SHANK2: variants seen among roughly 807,000 people sequenced by gnomAD.
The protein encoded by SHANK2 is SH3 and multiple ankyrin repeat domains protein 2.
In SHANK2, 43 loss-of-function variants were observed where a neutral mutation model predicts 133.7. That is an observed-to-expected ratio of 0.32 (90% CI 0.25 to 0.41). SHANK2 has a LOEUF of 0.41. Among genes scored for constraint, SHANK2 ranks in the 10% least tolerant of loss-of-function variants. SHANK2 has a pLI of 1.00. For missense variants in SHANK2, 1,994 were observed against 2,235.8 expected (o/e 0.89, Z 2.18); for synonymous variants, 1,017 against 952.8 (o/e 1.07, Z -1.24).
At chr11:70,782,976 T>C (rs893730151) in intron 14 of SHANK2, among the ~76,000 whole-genome samples, 5 of 151,992 alleles carry the variant, frequency 3.3e-5, no homozygotes, top group Non-Finnish European at 5.9e-5. Flanking sequence ...TGGGGTGTGA[T>C]TGGGTTTAGA....
chr11:70,837,257 T>TA (rs1411141451), intron 11 of SHANK2, among the ~76,000 whole-genome samples: 1 of 152,184 alleles, frequency 6.6e-6, no homozygotes, highest in East Asian at 1.9e-4. Flanking sequence ...CCAGGGGACT[T>TA]ACGCCATTGT....
intron 17 of SHANK2, among the ~76,000 whole-genome samples, chr11:70,650,077 G>A (rs1343106686): frequency 6.6e-6 from 1 of 152,238 alleles, no homozygotes; most frequent in Non-Finnish European, 1.5e-5. Flanking sequence ...CTATGGTCAT[G>A]GAAGCACACG....
In SHANK2 at chr11:71,215,193, G is replaced by A. The variant is rs1472776160; in HGVS notation, c.-13+9504C>T. ...ATCCGAGTGCTGGAAAGAACCACAG[G>A]CCCCAGCTCTCACCCTGGAGCCGCA... On this transcript the variant is annotated intron_variant, in intron 2 of 25. Transcript: ENST00000601538. Among the ~76,000 whole-genome samples, 8 of 152,128 alleles carry A rather than the reference G, an allele frequency of 5.3e-5. No individual in the cohort carries two copies. The East Asian group carries it at 1.4e-3, about 26-fold the overall frequency.
chr11:70,886,710 C>G (rs1353791723), intron 11 of SHANK2, among the ~76,000 whole-genome samples: 1 of 152,030 alleles, frequency 6.6e-6, no homozygotes, highest in Non-Finnish European at 1.5e-5. Context: ...CACACACACA[C>G]ACACACACAC....
chr11:71,170,749 G>A (rs1485195916), intron 2 of SHANK2, among the ~76,000 whole-genome samples: 1 of 152,196 alleles, frequency 6.6e-6, no homozygotes, highest in African/African-American at 2.4e-5. Flanking sequence ...TCTCCAAAGA[G>A]GCAAGGAGCT....
intron 1 of SHANK2, among the ~76,000 whole-genome samples, chr11:71,229,712 A>G (rs1432541986): frequency 6.6e-6 from 1 of 151,362 alleles, no homozygotes; most frequent in Admixed American, 6.6e-5. Flanking sequence ...GTGAGCCAAG[A>G]CTGCACCACT....
intron 6 of SHANK2, among the ~76,000 whole-genome samples, chr11:71,105,345 C>G (rs1298905329): frequency 6.6e-6 from 1 of 152,070 alleles, no homozygotes; most frequent in Non-Finnish European, 1.5e-5. Flanking sequence ...GTAATCCCAG[C>G]ACTTTGGGAG....
chr11:70,758,584 C>G (rs1946923249), intron 14 of SHANK2, among the ~76,000 whole-genome samples: 1 of 152,178 alleles, frequency 6.6e-6, no homozygotes, highest in Admixed American at 6.5e-5. Context: ...TCTGTGAGGC[C>G]AAGAACCCCA....
At position 70,642,280 on chromosome 11, in the gene SHANK2, C is replaced by A. The variant is rs1233679060; in HGVS notation, c.2061+17548G>T. On this transcript the variant is annotated intron_variant, in intron 17 of 25. Transcript: ENST00000601538. The stretch of plus-strand genomic sequence containing the variant: ...AGATAAATTTTCTCGCCTAAAAATG[C>A]CCATGGGTCTTAAAACTTTGATTTT... 4.5e-4 allele frequency among the ~76,000 whole-genome samples: 68 copies of A among 149,994 alleles called. 1 individual carries two copies. The highest frequency in any genetic ancestry group is 4.5e-3 in the Admixed American group (67 of 14,912).
In SHANK2 at chr11:70,795,819, G is replaced by A. The variant is rs116014900; in HGVS notation, c.1777+2624C>T. Among the ~76,000 whole-genome samples the A allele has an allele frequency of 4.5e-3, 683 of 152,296 alleles. 5 individuals are homozygous for A. Among genetic ancestry groups the A allele is most frequent in the African/African-American group, 0.016 (648 of 41,552 alleles). ...TGCTGGCTTTGGAGACGGAGGAAGG[G>A]GCCATGAGCCAAGGATGTCGGAAAG... On this transcript the variant is annotated intron_variant, in intron 14 of 25. Transcript: ENST00000601538.
intron 11 of SHANK2, among the ~76,000 whole-genome samples, chr11:70,855,763 G>C (rs1555066691): frequency 1.3e-5 from 2 of 152,242 alleles, no homozygotes; most frequent in African/African-American, 2.4e-5. Flanking sequence ...TGGGAAGAAA[G>C]GAAGGAGTTA....
At chr11:71,067,726 A>G (rs1284700925) in intron 9 of SHANK2, among the ~76,000 whole-genome samples, 1 of 151,960 alleles carries the variant, frequency 6.6e-6, no homozygotes, top group African/African-American at 2.4e-5. Context: ...ATCAGTCACC[A>G]TCAATGAGAC....
intron 17 of SHANK2, among the ~76,000 whole-genome samples, chr11:70,598,383 A>T (rs1214843055): frequency 6.6e-6 from 1 of 152,220 alleles, no homozygotes; most frequent in Non-Finnish European, 1.5e-5. Context: ...CACAAGAAAA[A>T]ATAAAAACTC....
chr11:71,151,490 T>A (rs1555108079), intron 2 of SHANK2, among the ~76,000 whole-genome samples: 1 of 152,062 alleles, frequency 6.6e-6, no homozygotes, highest in African/African-American at 2.4e-5. Flanking sequence ...GCCACCCCCA[T>A]TTCACCCGTT....
At chr11:71,086,521 A>T (rs1004363048) in intron 8 of SHANK2, among the ~76,000 whole-genome samples, 4 of 140,984 alleles carry the variant, frequency 2.8e-5, no homozygotes, top group Admixed American at 7.6e-5. Context: ...TATATAATAT[A>T]TAATATAAAT....
At chr11:70,718,858 G>A (rs531444746) in intron 14 of SHANK2, among the ~76,000 whole-genome samples, 1 of 152,272 alleles carries the variant, frequency 6.6e-6, no homozygotes, top group Middle Eastern at 3.4e-3. Context: ...GAGGCAGAGT[G>A]TATGGCAGGG....
chr11:70,849,803 G>A (rs192047858), intron 11 of SHANK2, among the ~76,000 whole-genome samples: 53 of 152,132 alleles, frequency 3.5e-4, no homozygotes, highest in African/African-American at 1.1e-3. Context: ...ATCTCCCTAC[G>A]TTATCTCTTT....
At chr11:71,097,749 G>A (rs187949321) in intron 6 of SHANK2, among the ~76,000 whole-genome samples, 12 of 152,230 alleles carry the variant, frequency 7.9e-5, no homozygotes, top group African/African-American at 2.6e-4. Flanking sequence ...GCAATGGGGG[G>A]TGGGGTGGGG....
chr11:71,127,963 C>A (rs1238945174), intron 3 of SHANK2, among the ~76,000 whole-genome samples: 1 of 152,194 alleles, frequency 6.6e-6, no homozygotes, highest in Non-Finnish European at 1.5e-5. Context: ...CCATCCTCTC[C>A]GCGTCTGCCG....
Sources: allele counts gnomAD v4.1 joint callset (sites outside exome capture counted in the v4.1 genomes callset), GRCh38; gene constraint gnomAD v4.1.1; transcripts MANE v1.5; gene names NCBI Gene and HGNC (gene_info 2026-07-23, HGNC 2026-07-21).